The following SYBU variants were observed in gnomAD, a reference collection of about 807,000 sequenced individuals.
SYBU encodes the protein GOLSYN A protein.
In SYBU, 21 loss-of-function variants were observed where a neutral mutation model predicts 35.9. The ratio of observed to expected loss-of-function variants is 0.58; its 90% CI spans 0.41 to 0.84. The LOEUF is 0.84. Ranked by LOEUF, SYBU falls within the 40% of genes least tolerant of loss-of-function variation. The pLI is 0.00. For synonymous variants in SYBU, 319 were observed against 324.3 expected (o/e 0.98, Z 0.18); for missense variants, 768 against 848.2 (o/e 0.91, Z 1.17).
intron 1 of SYBU, among the ~76,000 whole-genome samples, chr8:109,663,010 T>A (rs1816620078): frequency 6.6e-6 from 1 of 152,166 alleles, no homozygotes; most frequent in Non-Finnish European, 1.5e-5. Flanking sequence ...CACAAAGTCA[T>A]GAATGATATT....
chr8:109,575,701 C>T lies in SYBU; in HGVS notation c.1197G>A (p.Lys399=), dbSNP rs766929802. The T allele has an allele frequency of 6.2e-6, 10 of 1,614,044 alleles. No individual in the cohort carries two copies. The highest frequency in any genetic ancestry group is 5.0e-5 in the Admixed American group (3 of 60,006). ...CAAGAGGGGGGTTGAGGGTTAAGCT[C>T]TTCTCTGGGGAATCACATGGAAAGT... ...CLDFPCDSPE[K]SLTLNPPLDT... The change falls in exon 7 of 7, where the codon AAG becomes AAA. Residue 399 remains lysine (K), a synonymous_variant. Transcript: ENST00000276646.
chr8:109,603,846 T>G (rs933216427), intron 3 of SYBU, among the ~76,000 whole-genome samples: 1 of 152,130 alleles, frequency 6.6e-6, no homozygotes, highest in African/African-American at 2.4e-5. Context: ...ACCCCTGGGG[T>G]AGTCAGAGAA....
At chr8:109,677,912 A>C (rs1817249549) in intron 1 of SYBU, among the ~76,000 whole-genome samples, 1 of 152,104 alleles carries the variant, frequency 6.6e-6, no homozygotes, top group Non-Finnish European at 1.5e-5. Flanking sequence ...AGGTGGGTGG[A>C]TCACCTGAGG....
Position 109,636,091 on chromosome 8 carries a change from C to T in SYBU, c.229+6637G>A, listed in dbSNP as rs576130557. On this transcript the variant is annotated intron_variant, in intron 2 of 6. Coordinates refer to ENST00000276646, the MANE Select transcript of SYBU (RefSeq NM_001099754.2). ...TAGTTCCTGTATGGACCCTTGAGCT[C>T]ATGGAAGAAGTTCTGAGCATGGCAT... Among the ~76,000 whole-genome samples the T allele has an allele frequency of 4.2e-3, 643 of 152,300 alleles. 4 individuals are homozygous for T. The highest frequency in any genetic ancestry group is 5.9e-3 in the Non-Finnish European group (402 of 68,036).
intron 1 of SYBU, among the ~76,000 whole-genome samples, chr8:109,676,069 G>A (rs1817179061): frequency 1.3e-5 from 2 of 152,102 alleles, no homozygotes; most frequent in South Asian, 4.2e-4. Context: ...TGCAGAAAAG[G>A]CCTTCGATAA....
intron 1 of SYBU, among the ~76,000 whole-genome samples, chr8:109,665,127 C>A (rs1586975471): frequency 6.6e-6 from 1 of 151,960 alleles, no homozygotes; most frequent in Non-Finnish European, 1.5e-5. Flanking sequence ...AACTTCCTAC[C>A]AGTAACATCA....
intron 3 of SYBU, among the ~76,000 whole-genome samples, chr8:109,605,464 C>A (rs556329340): frequency 1.3e-5 from 2 of 152,260 alleles, no homozygotes; most frequent in South Asian, 2.1e-4. Flanking sequence ...ACAAATGCTA[C>A]CCCCCTGCTC....
At chr8:109,665,228 T>G (rs1433974546) in intron 1 of SYBU, among the ~76,000 whole-genome samples, 1 of 152,190 alleles carries the variant, frequency 6.6e-6, no homozygotes, top group Non-Finnish European at 1.5e-5. Flanking sequence ...TGTAACAATA[T>G]AAAAATTAAA....
Position 109,575,544 on chromosome 8 carries a change from C to T in SYBU, c.1354G>A (p.Glu452Lys), listed in dbSNP as rs1234070569. 4 of 1,614,058 alleles carry T rather than the reference C, an allele frequency of 2.5e-6. No homozygotes were observed. Residue 452 changes from glutamate (E) to lysine (K), a missense_variant, in exon 7 of 7, where the codon GAA (glutamate) becomes AAA (lysine). By Grantham distance (56) the Glu-to-Lys change is moderately conservative. Coordinates refer to ENST00000276646, the MANE Select transcript of SYBU (RefSeq NM_001099754.2). Reference sequence around the variant, plus strand: ...TGCACAAGCTCCAGGTCACCAGATTCTGTGGTGGTGGCTGTCACTATCTCA... The same window carrying T: ...TGCACAAGCTCCAGGTCACCAGATTTTGTGGTGGTGGCTGTCACTATCTCA... Reference protein sequence around the residue: ...FDEIVTATTTESGDLELVHST... With the variant: ...FDEIVTATTTKSGDLELVHST...
chr8:109,644,059 G>T (rs968937403), intron 1 of SYBU: 2 of 456,520 alleles, frequency 4.4e-6, no homozygotes, highest in Admixed American at 4.7e-5. Flanking sequence ...ACCAGGAAGG[G>T]TCACGGCCAA....
At chr8:109,609,120 T>G (rs1810896600) in intron 3 of SYBU, among the ~76,000 whole-genome samples, 1 of 152,160 alleles carries the variant, frequency 6.6e-6, no homozygotes, top group Non-Finnish European at 1.5e-5. Flanking sequence ...AAATATAAGG[T>G]GAAGAACCCC....
intron 3 of SYBU, among the ~76,000 whole-genome samples, chr8:109,593,941 C>T (rs2129900599): frequency 6.6e-6 from 1 of 152,312 alleles, no homozygotes; most frequent in South Asian, 2.1e-4. Context: ...CAGAGCAAAT[C>T]CTCCCTGAAG....
chr8:109,599,643 C>T (rs773726445), intron 3 of SYBU, among the ~76,000 whole-genome samples: 2 of 152,218 alleles, frequency 1.3e-5, no homozygotes, highest in Non-Finnish European at 2.9e-5. Flanking sequence ...TCATTTCTCA[C>T]CCAGAATTAC....
chr8:109,691,098 TCAAA>T lies in SYBU; in HGVS notation c.-58+231_-58+234del, dbSNP rs1817634363. Among the ~76,000 whole-genome samples the T allele has an allele frequency of 6.6e-6, 1 of 152,082 alleles. No individual in the cohort carries two copies. The highest frequency in any genetic ancestry group is 2.4e-5 in the African/African-American group (1 of 41,414). On this transcript the variant is annotated intron_variant, in intron 1 of 7. Transcript: ENST00000422135. The surrounding 1 kb of genome is among the most constrained non-coding windows in gnomAD (Gnocchi z 4.7). ...CCGTCTCAACAACCAATCAAACCAA[TCAAA>T]CAGGAGGGCCTTTCCCTTGGCCTCC...
upstream of SYBU, chr8:109,645,627 T>TTGTTG: frequency 3.8e-6 from 1 of 262,644 alleles, no homozygotes; most frequent in East Asian, 9.1e-5. Flanking sequence ...TGTTGTTTCG[T>TTGTTG]TTTTTGTTTT....
chr8:109,673,350 T>G (rs1040306706), intron 1 of SYBU, among the ~76,000 whole-genome samples: 1 of 152,178 alleles, frequency 6.6e-6, no homozygotes. Flanking sequence ...GGCAGCAATC[T>G]TTGCTGTTCT....
chr8:109,647,481 C>G (rs1031545556), upstream of SYBU: 1 of 152,136 alleles, frequency 6.6e-6, no homozygotes, highest in Non-Finnish European at 1.5e-5. Context: ...ATTTTTACCC[C>G]CAAGAGAGCT....
At chr8:109,599,258 A>G (rs1825234545) in intron 3 of SYBU, among the ~76,000 whole-genome samples, 1 of 152,236 alleles carries the variant, frequency 6.6e-6, no homozygotes, top group Admixed American at 6.5e-5. Context: ...TACTTTCGAC[A>G]AAGATAATAG....
At chr8:109,671,853 A>T (rs1816991975) in intron 1 of SYBU, among the ~76,000 whole-genome samples, 1 of 152,168 alleles carries the variant, frequency 6.6e-6, no homozygotes, top group Non-Finnish European at 1.5e-5. Context: ...AAAATGAGTT[A>T]TTAGTGTAAA....
Sources: gnomAD v4.1 joint callset for allele counts (sites outside exome capture counted in the v4.1 genomes callset) on GRCh38, gnomAD v4.1.1 for gene constraint, Gnocchi (gnomAD v3.1) non-coding constraint, MANE v1.5 for transcripts, NCBI Gene and HGNC (gene_info 2026-07-23, HGNC 2026-07-21) for gene names.